RAB28: variants seen among roughly 807,000 people sequenced by gnomAD.
RAB28 encodes RAB28, member RAS oncogene family.
A neutral mutation model predicts 31.7 loss-of-function variants in RAB28; 24 were observed. That is an observed-to-expected ratio of 0.76 (90% confidence interval 0.55 to 1.06). The LOEUF (loss-of-function observed/expected upper bound fraction) is 1.06. Ranked by LOEUF, RAB28 falls within the 50% of genes least tolerant of loss-of-function variation. The pLI is 0.00. For synonymous variants in RAB28, 100 were observed against 90.4 expected, an observed-to-expected ratio of 1.11 and a Z score of -0.60; for missense variants, 254 against 258.5, an observed-to-expected ratio of 0.98 and a Z score of 0.12.
At chr4:13,465,023 T>C (rs1472605249) in intron 3 of RAB28, among the ~76,000 whole-genome samples, 2 of 151,984 alleles carry the variant, frequency 1.3e-5, no homozygotes, top group African/African-American at 2.4e-5. Flanking sequence ...AGAATGCCAT[T>C]GTTGGGTACA....
At chr4:13,470,935 T>C (rs1716089492) in intron 3 of RAB28, among the ~76,000 whole-genome samples, 1 of 152,062 alleles carries the variant, frequency 6.6e-6, no homozygotes. Flanking sequence ...GAGGGTAAAA[T>C]AATCAGTTTT....
chr4:13,484,055 C>G, intron 1 of RAB28, 21 bp downstream of exon 1: 1 of 1,577,940 alleles, frequency 6.3e-7, no homozygotes. Context: ...CCTGGGACGG[C>G]GGGCCTGCTC....
At chr4:13,430,971 C>CA (rs1713775550) in intron 4 of RAB28, among the ~76,000 whole-genome samples, 1 of 152,210 alleles carries the variant, frequency 6.6e-6, no homozygotes, top group African/African-American at 2.4e-5. Context: ...TGGCCTCCCC[C>CA]AGTACACTGT....
chr4:13,441,095 C>A (rs1017425931), intron 4 of RAB28, among the ~76,000 whole-genome samples: 5 of 152,112 alleles, frequency 3.3e-5, no homozygotes, highest in African/African-American at 1.2e-4. Context: ...TAGATGTTGT[C>A]TTTCTTTTGT....
chr4:13,374,980 T>A (rs573228123), intron 6 of RAB28, among the ~76,000 whole-genome samples: 1 of 152,244 alleles, frequency 6.6e-6, no homozygotes, highest in Admixed American at 6.5e-5. Context: ...TGCTCTTCTG[T>A]TTCCAAAATA....
intron 4 of RAB28, among the ~76,000 whole-genome samples, chr4:13,387,879 T>C (rs751026495): frequency 6.6e-6 from 1 of 152,030 alleles, no homozygotes; most frequent in Non-Finnish European, 1.5e-5. Context: ...GTCCACACAA[T>C]GCAAAACTTG....
At chr4:13,473,829 G>C (rs1050567166) in intron 3 of RAB28, 3 of 377,934 alleles carry the variant, frequency 7.9e-6, no homozygotes, top group Non-Finnish European at 1.5e-5. Context: ...CATATACACT[G>C]TCATATTTAG....
At chr4:13,475,725 A>C (rs571196835) in intron 2 of RAB28, among the ~76,000 whole-genome samples, 1 of 151,692 alleles carries the variant, frequency 6.6e-6, no homozygotes, top group East Asian at 1.9e-4. Context: ...CACTTAGACT[A>C]ATGACTAAAA....
chr4:13,403,714 A>T (rs1308672185), intron 4 of RAB28, among the ~76,000 whole-genome samples: 1 of 152,158 alleles, frequency 6.6e-6, no homozygotes, highest in Non-Finnish European at 1.5e-5. Flanking sequence ...TAATGCTATC[A>T]TACTGTGTCT....
At chr4:13,444,243 G>T (rs970625536) in intron 4 of RAB28, among the ~76,000 whole-genome samples, 1 of 151,916 alleles carries the variant, frequency 6.6e-6, no homozygotes, top group African/African-American at 2.4e-5. Flanking sequence ...TAGCCAGGAT[G>T]GTCTCGATCT....
intron 4 of RAB28, among the ~76,000 whole-genome samples, chr4:13,388,647 T>G (rs976325432): frequency 6.6e-6 from 1 of 151,944 alleles, no homozygotes; most frequent in African/African-American, 2.4e-5. Flanking sequence ...ATCTAGAATA[T>G]ATAAAGAACA....
At chr4:13,455,240 C>A (rs1403235445) in intron 4 of RAB28, among the ~76,000 whole-genome samples, 1 of 152,184 alleles carries the variant, frequency 6.6e-6, no homozygotes, top group Non-Finnish European at 1.5e-5. Context: ...AGACACATAG[C>A]CACTCTACCA....
chr4:13,443,076 G>C (rs1486703207), intron 4 of RAB28, among the ~76,000 whole-genome samples: 2 of 152,092 alleles, frequency 1.3e-5, no homozygotes, highest in Admixed American at 1.3e-4. Flanking sequence ...ATTAGCTAGA[G>C]CTAATAATTT....
At chr4:13,412,364 G>A (rs1712487030) in intron 4 of RAB28, among the ~76,000 whole-genome samples, 2 of 152,106 alleles carry the variant, frequency 1.3e-5, no homozygotes, top group African/African-American at 4.8e-5. Flanking sequence ...GGGGGTGGGA[G>A]GAGAAGTGGG....
chr4:13,387,583 C>G (rs1382364468), intron 4 of RAB28, among the ~76,000 whole-genome samples: 1 of 151,964 alleles, frequency 6.6e-6, no homozygotes, highest in Non-Finnish European at 1.5e-5. Context: ...AGTAATTATA[C>G]AGTGTGGAGG....
intron 4 of RAB28, chr4:13,459,730 G>A: frequency 2.0e-6 from 2 of 1,015,988 alleles, no homozygotes; most frequent in Non-Finnish European, 2.4e-6. Flanking sequence ...TTTAGAAGAG[G>A]AAGTTTATAA....
intron 4 of RAB28, among the ~76,000 whole-genome samples, chr4:13,430,453 T>C (rs1175684872): frequency 6.6e-6 from 1 of 152,152 alleles, no homozygotes; most frequent in African/African-American, 2.4e-5. Flanking sequence ...TCCACTCCCC[T>C]CACCTCTGTG....
At chr4:13,381,793 TAGAGAGTTATTTG>T (rs967138819) in intron 4 of RAB28, among the ~76,000 whole-genome samples, 199 bp from the exon 5 acceptor site, 1 of 152,108 alleles carries the variant, frequency 6.6e-6, no homozygotes, top group African/African-American at 2.4e-5. Flanking sequence ...ACCTATTTTG[TAGAGAGTTATTTG>T]ATAATTAATC....
Position 13,484,130 on chromosome 4 carries a change from C to G in RAB28, c.21G>C (p.Glu7Asp). The change falls in exon 1 of 7, where the codon GAG (glutamate) becomes GAC (aspartate). Residue 7 changes from glutamate (E) to aspartate (D), a missense_variant. By Grantham distance (45) the Glu-to-Asp change is conservative. Coordinates refer to ENST00000330852, the MANE Select transcript of RAB28 (RefSeq NM_001017979.3). Reference protein sequence around the residue: MSDSEEESQDRQLKIVV... With the variant: MSDSEEDSQDRQLKIVV... ...CGATTTTCAGTTGCCGGTCCTGGCT[C>G]TCCTCCTCAGAGTCCGACATGGTGT... The G allele has an allele frequency of 1.9e-6, 3 of 1,595,876 alleles. No homozygotes were observed. Among genetic ancestry groups the G allele is most frequent in the Non-Finnish European group, 2.6e-6 (3 of 1,171,186 alleles).
Sources: allele counts gnomAD v4.1 joint callset (sites outside exome capture counted in the v4.1 genomes callset), GRCh38; gene constraint gnomAD v4.1.1; transcripts MANE v1.5; gene names NCBI Gene and HGNC (gene_info 2026-07-23, HGNC 2026-07-21).